Variants in KNDC1 observed in about 807,000 individuals in gnomAD.
KNDC1 encodes kinase non-catalytic C-lobe domain-containing protein 1.
KNDC1 carries 106 observed loss-of-function variants against 172.8 expected under a neutral mutation model. The ratio of observed to expected loss-of-function variants is 0.61; its 90% CI spans 0.52 to 0.72. The LOEUF (loss-of-function observed/expected upper bound fraction) is 0.72, where lower values mean the gene tolerates loss of function less well. KNDC1 is among the 30% of genes least tolerant of loss of function. KNDC1 has a pLI of 0.00. For synonymous variants in KNDC1, 1,083 were observed against 1,062.2 expected (o/e 1.02, Z -0.38); for missense variants, 2,325 against 2,394.5 (o/e 0.97, Z 0.61).
At chr10:133,190,648 C>A (rs1429889843) in intron 9 of KNDC1, among the ~76,000 whole-genome samples, 1 of 152,228 alleles carries the variant, frequency 6.6e-6, no homozygotes, top group African/African-American at 2.4e-5. Flanking sequence ...GGGATGTTGT[C>A]TAGAGAAACT....
chr10:133,204,103 G>A (rs930943390), intron 17 of KNDC1, among the ~76,000 whole-genome samples: 10 of 152,150 alleles, frequency 6.6e-5, no homozygotes, highest in African/African-American at 2.2e-4. Flanking sequence ...CCGGGGGCCG[G>A]ACGAGGGCCC....
At chr10:133,222,454 TGTGTGTGTGAGA>T (rs1845619625) in intron 29 of KNDC1, among the ~76,000 whole-genome samples, 1 of 78,364 alleles carries the variant, frequency 1.3e-5, no homozygotes, top group African/African-American at 4.0e-5. Flanking sequence ...GGCGTGTGTG[TGTGTGTGTGAGA>T]GCCCATCCAG....
At position 133,179,985 on chromosome 10, in the gene KNDC1, C is replaced by T. The variant is rs572969142; in HGVS notation, c.361-3359C>T. On this transcript the variant is annotated intron_variant, in intron 3 of 29. Coordinates refer to ENST00000304613, the MANE Select transcript of KNDC1 (RefSeq NM_152643.8). ...TGGAGAGTGGGCCCCACCCTCCCTT[C>T]CTCTGCCAGACGCCTGCCCGTGGTC... is the stretch of plus-strand genomic sequence containing the variant. Among the ~76,000 whole-genome samples the T allele has an allele frequency of 5.9e-5, 9 of 152,348 alleles. 1 individual carries two copies. Among genetic ancestry groups the T allele is most frequent in the African/African-American group, 4.8e-5 (2 of 41,588 alleles).
chr10:133,224,026 CGTGT>C lies in KNDC1; in HGVS notation c.5019-623_5019-620del, dbSNP rs1303845206. 4.6e-5 allele frequency among the ~76,000 whole-genome samples: 6 copies of C among 130,834 alleles called. No individual in the cohort carries two copies. In the South Asian group the frequency reaches 1.3e-3, roughly 28 times the overall value. 85.8% of individuals were successfully genotyped at this position (130,834 alleles called of 152,430 possible). On this transcript the variant is annotated intron_variant, in intron 29 of 29. Coordinates refer to ENST00000304613, the MANE Select transcript of KNDC1 (RefSeq NM_152643.8). This position sits in a 1 kb window ranked among gnomAD's most constrained non-coding sequence, Gnocchi z 5.4. ...GCCCATCCAGGCATGCTCTTCCCGGCGTGTGTGTGTGTGAGAGCCCATCCAGGCT... is the reference window on the plus strand; with the variant it reads ...GCCCATCCAGGCATGCTCTTCCCGGCGTGTGTGTGAGAGCCCATCCAGGCT...
intron 25 of KNDC1, 38 bp downstream of exon 25, chr10:133,213,765 A>G (rs1845420657): frequency 6.3e-7 from 1 of 1,592,838 alleles, no homozygotes; most frequent in East Asian, 2.2e-5. Flanking sequence ...GCGGTGGTGG[A>G]GGGTCTCGGG....
chr10:133,201,625 G>C lies in KNDC1; in HGVS notation c.3114G>C (p.Arg1038Ser), dbSNP rs1370656926. The change falls in exon 17 of 30, where the codon AGG becomes AGC. Residue 1038 changes from arginine to serine, a missense_variant. Transcript: ENST00000304613. Reference protein sequence around the residue: ...GNFEVGFRPQRSVKAERAQQP... With the variant: ...GNFEVGFRPQSSVKAERAQQP... ...TCGAGGTGGGGTTTCGGCCTCAGAGGTCCGTAAAAGCCGAGAGAGCGCAGC... is the reference window on the plus strand; with the variant it reads ...TCGAGGTGGGGTTTCGGCCTCAGAGCTCCGTAAAAGCCGAGAGAGCGCAGC... The C allele has an allele frequency of 2.5e-6, 4 of 1,612,982 alleles. No homozygotes were observed. The highest frequency in any genetic ancestry group is 2.5e-6 in the Non-Finnish European group (3 of 1,179,972).
chr10:133,201,814 C>T lies in KNDC1; in HGVS notation c.3303C>T (p.Asp1101=), dbSNP rs763720181. ...GGTGCAGCGCCTTCTACGAGGCCGA[C>T]TGCTTCGGGGCCGACGTCCACAACT... ...PGWCSAFYEA[D]CFGADVHNYV... is the part of the protein sequence containing the mutation. Residue 1101 remains aspartate, a synonymous_variant, in exon 17 of 30, where the codon GAC becomes GAT. Transcript: ENST00000304613. 40 of 1,507,774 alleles carry T rather than the reference C, an allele frequency of 2.7e-5. No individual in the cohort carries two copies. Among genetic ancestry groups the T allele is most frequent in the Non-Finnish European group, 3.4e-5 (38 of 1,130,982 alleles). The allele number at this position is 1,507,774 out of a possible 1,614,324, so 93.4% of individuals were successfully genotyped here. A position where few individuals can be genotyped will look rare whatever the true frequency, so the allele number is the denominator to read the frequency against.
rs375420877 is a variant in KNDC1 at position 133,201,857 on chromosome 10, C to T, written c.3346C>T (p.Arg1116Trp). ...CCACAACTACGTGAAGGACCTGGGG[C>T]GGCAGCAGGCGGACGGGGCCCTGCC... ...DVHNYVKDLG[R>W]QQADGALPDA... The change falls in exon 17 of 30, where the codon CGG becomes TGG. Residue 1116 changes from arginine (R) to tryptophan (W), a missense_variant. Coordinates refer to ENST00000304613, the MANE Select transcript of KNDC1 (RefSeq NM_152643.8). The T allele has an allele frequency of 1.6e-4, 237 of 1,477,468 alleles. No homozygotes were observed. Among genetic ancestry groups the T allele is most frequent in the Non-Finnish European group, 1.9e-4 (212 of 1,115,352 alleles). The allele number at this position is 1,477,468 out of a possible 1,614,324, so 91.5% of individuals were successfully genotyped here. A position where few individuals can be genotyped will look rare whatever the true frequency, so the allele number is the denominator to read the frequency against.
At chr10:133,167,639 G>A in intron 2 of KNDC1, 60 bp downstream of exon 2, 3 of 1,505,868 alleles carry the variant, frequency 2.0e-6, no homozygotes, top group South Asian at 2.4e-5. Flanking sequence ...TGCCTTTCAG[G>A]GGGGATGTGA....
At chr10:133,177,647 A>G (rs570648316) in intron 3 of KNDC1, among the ~76,000 whole-genome samples, 4 of 151,788 alleles carry the variant, frequency 2.6e-5, no homozygotes, top group African/African-American at 9.7e-5. Flanking sequence ...TGTGTGTTGC[A>G]TGATGTGTAC....
Position 133,183,354 on chromosome 10 carries a change from A to G in KNDC1, c.371A>G (p.Tyr124Cys), listed in dbSNP as rs754824175. Residue 124 changes from tyrosine to cysteine, a missense_variant, in exon 4 of 30, where the codon TAC (tyrosine) becomes TGC (cysteine). By Grantham distance (194) the Tyr-to-Cys change is radical (BLOSUM62 -2). Coordinates refer to ENST00000304613, the MANE Select transcript of KNDC1 (RefSeq NM_152643.8). The part of the protein sequence containing the change: ...VTGNTFEAHI[Y>C]SLGATLKAAL... ...CTGTCGTGCCCACAGGCGCACATCT[A>G]CTCTCTGGGGGCCACGCTGAAGGCC... 4 of 1,595,064 alleles carry G rather than the reference A, an allele frequency of 2.5e-6. No homozygotes were observed. The highest frequency in any genetic ancestry group is 2.3e-5 in the East Asian group (1 of 44,172).
rs72859893 is a variant in KNDC1, at chr10:133,218,971, C to T, written c.4800+18C>T. ...AGTCCCCTGTGCGTCCCCCTCGGGC[C>T]CCAAGGCGGGGGTGGGTACCCGCAC... On this transcript the variant is annotated intron_variant, in intron 27 of 29. Coordinates refer to ENST00000304613, the MANE Select transcript of KNDC1 (RefSeq NM_152643.8). 6.2e-7 allele frequency: 1 copy of T among 1,613,650 alleles called. No homozygotes were observed. Among genetic ancestry groups the T allele is most frequent in the Non-Finnish European group, 8.5e-7 (1 of 1,179,878 alleles).
Position 133,167,403 on chromosome 10 carries a change from T to C in KNDC1, c.125T>C (p.Ile42Thr). ...CAGGAGAACGTGTCTCTGGCTGACA[T>C]CCTCTCCCTGCGGGACCGCGGCCTC... ...EDEENVSLAD[I>T]LSLRDRGLSE... Residue 42 changes from isoleucine to threonine, a missense_variant, in exon 2 of 30, where the codon ATC becomes ACC. Coordinates refer to ENST00000304613, the MANE Select transcript of KNDC1 (RefSeq NM_152643.8). The C allele has an allele frequency of 6.3e-7, 1 of 1,595,014 alleles. No individual in the cohort carries two copies.
chr10:133,193,543 GAAGAAGGAAGA>G (rs542808132), intron 9 of KNDC1, among the ~76,000 whole-genome samples: 1,992 of 151,952 alleles, frequency 0.013, 18 homozygotes, highest in Non-Finnish European at 0.023. Flanking sequence ...AATAAAGGAG[GAAGAAGGAAGA>G]AAGAAGGAAG....
At position 133,163,566 on chromosome 10, in the gene KNDC1, T is replaced by G. The variant is rs1182603027; in HGVS notation, c.102+2997T>G. 6.6e-6 allele frequency among the ~76,000 whole-genome samples: 1 copy of G among 152,050 alleles called. No individual in the cohort carries two copies. Among genetic ancestry groups the G allele is most frequent in the Non-Finnish European group, 1.5e-5 (1 of 68,006 alleles). On this transcript the variant is annotated intron_variant, in intron 1 of 29. Coordinates refer to ENST00000304613, the MANE Select transcript of KNDC1 (RefSeq NM_152643.8). This position sits in a 1 kb window ranked among gnomAD's most constrained non-coding sequence, Gnocchi z 4.4. Reference sequence around the variant, plus strand: ...AGGCCTGGGGATTGGCAGCCAGTGCTCCCAGCTGTGATTGGAGTTTTGTAT... The same window carrying G: ...AGGCCTGGGGATTGGCAGCCAGTGCGCCCAGCTGTGATTGGAGTTTTGTAT...
At position 133,198,361 on chromosome 10, in the gene KNDC1, C is replaced by T; in HGVS notation, c.1931C>T (p.Thr644Ile). The T allele has an allele frequency of 6.3e-7, 1 of 1,592,782 alleles. No homozygotes were observed. Residue 644 changes from threonine (T) to isoleucine (I), a missense_variant, in exon 13 of 30, where the codon ACC (threonine) becomes ATC (isoleucine). Coordinates refer to ENST00000304613, the MANE Select transcript of KNDC1 (RefSeq NM_152643.8). ...SPGFLPVNSD[T>I]GLVAVPGPVP... ...GGCTTCCTGCCGGTGAACAGCGACA[C>T]CGGGCTTGTGGCTGTGCCAGGGCCC...
intron 9 of KNDC1, among the ~76,000 whole-genome samples, chr10:133,191,930 G>C (rs1278825116): frequency 6.6e-6 from 1 of 152,218 alleles, no homozygotes; most frequent in Non-Finnish European, 1.5e-5. Flanking sequence ...AAAGTGAGCA[G>C]GAGCCAGGAC....
Position 133,195,731 on chromosome 10 carries a change from G to C in KNDC1, c.1644G>C (p.Lys548Asn), listed in dbSNP as rs1457666870. Reference sequence around the variant, plus strand: ...AGTTCAGCGTCCCCCGCAACCACAAGCTGGCCCTGCCACGCAGGCTCAAGA... The same window carrying C: ...AGTTCAGCGTCCCCCGCAACCACAACCTGGCCCTGCCACGCAGGCTCAAGA... ...AAKFSVPRNH[K>N]LALPRRLKTL... is the part of the protein sequence containing the mutation. Residue 548 changes from lysine to asparagine, a missense_variant, in exon 10 of 30, where the codon AAG (lysine) becomes AAC (asparagine). Physicochemically the swap from Lys to Asn is moderately conservative, Grantham distance 94. Coordinates refer to ENST00000304613, the MANE Select transcript of KNDC1 (RefSeq NM_152643.8). 6.2e-7 allele frequency: 1 copy of C among 1,612,446 alleles called. No homozygotes were observed. Among genetic ancestry groups the C allele is most frequent in the Admixed American group, 1.7e-5 (1 of 59,928 alleles).
chr10:133,167,334 C>T, intron 1 of KNDC1, 47 bp from the exon 2 acceptor site: 1 of 1,512,560 alleles, frequency 6.6e-7, no homozygotes, highest in Non-Finnish European at 8.9e-7. Flanking sequence ...GTGCCGGGGC[C>T]TGGCTGGGGG....
Sources: allele counts gnomAD v4.1 joint callset (sites outside exome capture counted in the v4.1 genomes callset), GRCh38; gene constraint gnomAD v4.1.1; non-coding constraint Gnocchi (gnomAD v3.1); transcripts MANE v1.5; gene names NCBI Gene and HGNC (gene_info 2026-07-23, HGNC 2026-07-21).